Variants in FUT8 observed in about 807,000 individuals in gnomAD.
The protein encoded by FUT8 is alpha-(1,6)-fucosyltransferase.
Under a neutral mutation model 71.3 loss-of-function variants are expected in FUT8, and 29 were observed. That is an observed-to-expected ratio of 0.41 (90% CI 0.30 to 0.55). The LOEUF is 0.55. Among genes scored for constraint, FUT8 ranks in the 20% least tolerant of loss-of-function variants. FUT8 has a pLI of 0.34. For synonymous variants in FUT8, 254 were observed against 239.3 expected, an observed-to-expected ratio of 1.06 and a Z score of -0.57; for missense variants, 544 against 702.1, an observed-to-expected ratio of 0.77 and a Z score of 2.55.
At chr14:65,717,229 C>T (rs1218821443) in intron 7 of FUT8, among the ~76,000 whole-genome samples, 3 of 122,832 alleles carry the variant, frequency 2.4e-5, no homozygotes, top group South Asian at 2.8e-4. Context: ...ACGGGGCGGC[C>T]GGGCAGAGGC....
intron 2 of FUT8, among the ~76,000 whole-genome samples, chr14:65,525,820 C>T (rs1490385302): frequency 2.6e-5 from 4 of 152,148 alleles, no homozygotes; most frequent in Non-Finnish European, 4.4e-5. Context: ...TCGTTACGTA[C>T]CCAGTAGTCA....
intron 5 of FUT8, among the ~76,000 whole-genome samples, chr14:65,620,978 G>A (rs920324098): frequency 6.6e-6 from 1 of 152,092 alleles, no homozygotes; most frequent in Non-Finnish European, 1.5e-5. Context: ...GCCTGTAATG[G>A]AACAGTGTCT....
At chr14:65,680,410 C>T (rs776107515) in intron 7 of FUT8, among the ~76,000 whole-genome samples, 6 of 152,052 alleles carry the variant, frequency 3.9e-5, no homozygotes, top group Non-Finnish European at 7.4e-5. Flanking sequence ...CATTGTTTTC[C>T]GTATTTTTAT....
the FUT8 span, among the ~76,000 whole-genome samples, chr14:65,378,837 GTT>G: frequency 7.3e-3 from 488 of 66,740 alleles, 1 homozygote; most frequent in African/African-American, 0.027. Flanking sequence ...TCACAAGAAG[GTT>G]TTTTTTTTTT....
In FUT8 at chr14:65,629,829, T is replaced by TACACACAC. The variant is rs3079115; in HGVS notation, c.597+245_597+252dup. Among the ~76,000 whole-genome samples the TACACACAC allele has an allele frequency of 6.1e-3, 896 of 148,096 alleles. 5 individuals are homozygous for TACACACAC. Among genetic ancestry groups the TACACACAC allele is most frequent in the Non-Finnish European group, 8.8e-3 (587 of 66,904 alleles). ...TAAAGGGAGCTACTTCTTACACACG[T>TACACACAC]ACACACACACACACACACACACACA... On this transcript the variant is annotated intron_variant, in intron 6 of 10. Coordinates refer to ENST00000673929, the MANE Select transcript of FUT8 (RefSeq NM_001371533.1).
At chr14:65,505,461 C>T (rs183338185) in intron 2 of FUT8, among the ~76,000 whole-genome samples, 8 of 151,680 alleles carry the variant, frequency 5.3e-5, no homozygotes, top group South Asian at 2.1e-4. Context: ...TACAGGTGCC[C>T]GCCACCATGC....
the FUT8 span, among the ~76,000 whole-genome samples, chr14:65,405,562 T>C: frequency 4.6e-5 from 7 of 152,360 alleles, no homozygotes; most frequent in East Asian, 1.3e-3. Context: ...GAGCATATTA[T>C]TGCATTAATT....
At chr14:65,447,092 A>G (rs189734488) in intron 1 of FUT8, among the ~76,000 whole-genome samples, 7 of 151,818 alleles carry the variant, frequency 4.6e-5, no homozygotes, top group Non-Finnish European at 7.4e-5. Context: ...CTTTATTTTC[A>G]TGTTTTTCCC....
chr14:65,712,146 A>G (rs139105851), intron 7 of FUT8, among the ~76,000 whole-genome samples: 1 of 152,312 alleles, frequency 6.6e-6, no homozygotes, highest in East Asian at 1.9e-4. Flanking sequence ...TTAACTTAGT[A>G]CATTTTATGG....
At chr14:65,469,233 T>C (rs2139622381) in intron 2 of FUT8, among the ~76,000 whole-genome samples, 1 of 152,342 alleles carries the variant, frequency 6.6e-6, no homozygotes, top group East Asian at 1.9e-4. Flanking sequence ...CTGGTAAAAA[T>C]TTCTGCCACA....
chr14:65,567,931 A>C (rs373531504), intron 3 of FUT8, among the ~76,000 whole-genome samples: 2 of 151,884 alleles, frequency 1.3e-5, no homozygotes, highest in Non-Finnish European at 2.9e-5. Flanking sequence ...ATGCAGGCCA[A>C]TTCTGTTCTC....
At chr14:65,569,507 G>A (rs1259392571) in intron 3 of FUT8, among the ~76,000 whole-genome samples, 2 of 151,642 alleles carry the variant, frequency 1.3e-5, no homozygotes, top group Non-Finnish European at 2.9e-5. Flanking sequence ...ATCACACACA[G>A]TTAGTAATTT....
At chr14:65,672,028 G>A (rs1006886120) in intron 7 of FUT8, among the ~76,000 whole-genome samples, 2 of 152,122 alleles carry the variant, frequency 1.3e-5, no homozygotes, top group African/African-American at 4.8e-5. Flanking sequence ...AGTAATTCTT[G>A]TTCAAGTCTG....
intron 2 of FUT8, among the ~76,000 whole-genome samples, chr14:65,457,249 A>G (rs1342734059): frequency 4.6e-5 from 7 of 152,200 alleles, no homozygotes; most frequent in African/African-American, 1.4e-4. Context: ...TGATGATTTA[A>G]CTATTGCCTT....
the FUT8 span, among the ~76,000 whole-genome samples, chr14:65,378,187 C>G: frequency 3.8e-4 from 57 of 151,996 alleles, no homozygotes; most frequent in Admixed American, 1.2e-3. Context: ...ATTAACTTTA[C>G]TATTCTTGTT....
chr14:65,641,859 A>G (rs1391077987), intron 6 of FUT8, among the ~76,000 whole-genome samples: 1 of 149,280 alleles, frequency 6.7e-6, no homozygotes, highest in Non-Finnish European at 1.5e-5. Context: ...TCTTCTGCCT[A>G]TTTTTTAATT....
intron 2 of FUT8, among the ~76,000 whole-genome samples, chr14:65,474,581 C>T (rs1204746582): frequency 1.3e-5 from 2 of 151,778 alleles, no homozygotes; most frequent in Non-Finnish European, 2.9e-5. Context: ...GAGCAAAACT[C>T]TGTCTCAAAA....
At chr14:65,551,871 T>G (rs758771120) in intron 2 of FUT8, among the ~76,000 whole-genome samples, 14 of 152,140 alleles carry the variant, frequency 9.2e-5, no homozygotes, top group Non-Finnish European at 1.6e-4. Flanking sequence ...TTCTGAAAAT[T>G]TTTTTCAGTA....
chr14:65,464,292 A>G (rs2066010254), intron 2 of FUT8, among the ~76,000 whole-genome samples: 2 of 124,660 alleles, frequency 1.6e-5, no homozygotes, highest in Non-Finnish European at 3.2e-5. Flanking sequence ...ATAGATGATC[A>G]TGTCATCTGC....
Sources: allele counts gnomAD v4.1 joint callset (sites outside exome capture counted in the v4.1 genomes callset), GRCh38; gene constraint gnomAD v4.1.1; transcripts MANE v1.5; gene names NCBI Gene and HGNC (gene_info 2026-07-23, HGNC 2026-07-21).